Variants in PDE4D observed in about 807,000 individuals in gnomAD.
The protein encoded by PDE4D is 3',5'-cyclic-AMP phosphodiesterase 4D.
PDE4D carries 24 observed loss-of-function variants against 87.4 expected under a neutral mutation model. That is an observed-to-expected ratio of 0.27 (90% CI 0.20 to 0.39). PDE4D has a LOEUF of 0.39. Ranked by LOEUF, PDE4D falls within the 10% of genes least tolerant of loss-of-function variation. The probability of loss-of-function intolerance (pLI) is 1.00; values close to 1 mark genes in which losing one functional copy is unlikely to be tolerated. For synonymous variants in PDE4D, 384 were observed against 383.2 expected (o/e 1.00, Z -0.02); for missense variants, 714 against 1,041.0 (o/e 0.69, Z 4.32).
intron 1 of PDE4D, among the ~76,000 whole-genome samples, chr5:60,189,868 T>C (rs1373588006): frequency 6.6e-6 from 1 of 152,194 alleles, no homozygotes; most frequent in East Asian, 1.9e-4. Flanking sequence ...AGGGAAAGAA[T>C]TGTTTGGGTA....
At chr5:59,177,567 A>C (rs1270494236) in intron 5 of PDE4D, among the ~76,000 whole-genome samples, 3 of 152,186 alleles carry the variant, frequency 2.0e-5, no homozygotes, top group Non-Finnish European at 4.4e-5. Context: ...TGAGCAGAGA[A>C]AGGGTATGCA....
chr5:60,353,377 C>T (rs1759356564), intron 1 of PDE4D, among the ~76,000 whole-genome samples: 1 of 152,232 alleles, frequency 6.6e-6, no homozygotes, highest in African/African-American at 2.4e-5. Context: ...TACCTTACAT[C>T]CTGCCTCTTA....
At chr5:59,684,485 T>C (rs1749537232) in intron 1 of PDE4D, among the ~76,000 whole-genome samples, 1 of 152,166 alleles carries the variant, frequency 6.6e-6, no homozygotes, top group Non-Finnish European at 1.5e-5. Context: ...TGGTAATTAT[T>C]AGCCACTAGG....
At chr5:59,234,344 T>C (rs1336402658) in intron 1 of PDE4D, among the ~76,000 whole-genome samples, 1 of 152,306 alleles carries the variant, frequency 6.6e-6, no homozygotes, top group African/African-American at 2.4e-5. Flanking sequence ...TTCCCACTTA[T>C]CCTCTTTTAA....
intron 5 of PDE4D, among the ~76,000 whole-genome samples, chr5:59,077,980 A>C (rs1580680892): frequency 6.6e-6 from 1 of 152,336 alleles, no homozygotes; most frequent in South Asian, 2.1e-4. Context: ...TTCCTAAATG[A>C]GCAACCGCGC....
chr5:60,059,038 A>ATG (rs1413944284), intron 2 of PDE4D, among the ~76,000 whole-genome samples: 12 of 49,344 alleles, frequency 2.4e-4, no homozygotes, highest in Admixed American at 7.1e-4. Flanking sequence ...TGGCATTGTC[A>ATG]TATGTGTGTG....
At chr5:59,219,459 A>C (rs1233865028) in intron 1 of PDE4D, among the ~76,000 whole-genome samples, 1 of 152,142 alleles carries the variant, frequency 6.6e-6, no homozygotes, top group Non-Finnish European at 1.5e-5. Context: ...AGAAAAAGTA[A>C]TATTACCGAG....
At chr5:59,230,444 T>C (rs377341669) in intron 1 of PDE4D, among the ~76,000 whole-genome samples, 15 of 152,268 alleles carry the variant, frequency 9.9e-5, no homozygotes, top group Admixed American at 6.5e-5. Flanking sequence ...TCCTGGCTAT[T>C]TGGGTATTTA....
At chr5:60,171,605 C>T (rs1319719865) in intron 2 of PDE4D, among the ~76,000 whole-genome samples, 1 of 152,054 alleles carries the variant, frequency 6.6e-6, no homozygotes, top group Non-Finnish European at 1.5e-5. Context: ...GGATTAAAAC[C>T]TATCCCACTG....
chr5:59,493,934 G>A (rs148645293), intron 1 of PDE4D, among the ~76,000 whole-genome samples: 6 of 152,222 alleles, frequency 3.9e-5, no homozygotes, highest in East Asian at 1.9e-4. Flanking sequence ...ACCACATTAC[G>A]AAATAGTTTT....
chr5:59,713,452 T>C (rs1754508596), intron 1 of PDE4D, among the ~76,000 whole-genome samples: 1 of 152,184 alleles, frequency 6.6e-6, no homozygotes, highest in African/African-American at 2.4e-5. Context: ...ACTGTACCTA[T>C]GGTTTGCACC....
At chr5:59,462,178 T>A (rs931659644) in intron 1 of PDE4D, among the ~76,000 whole-genome samples, 1 of 152,146 alleles carries the variant, frequency 6.6e-6, no homozygotes, top group African/African-American at 2.4e-5. Flanking sequence ...CTTCTAAGAA[T>A]AGCAAATAGA....
intron 2 of PDE4D, among the ~76,000 whole-genome samples, chr5:60,037,203 T>A (rs981594035): frequency 6.6e-6 from 1 of 152,136 alleles, no homozygotes. Flanking sequence ...AATCTTGAAG[T>A]TTGGGGCATT....
chr5:59,159,730 C>A (rs1780765351), intron 5 of PDE4D, among the ~76,000 whole-genome samples: 1 of 152,118 alleles, frequency 6.6e-6, no homozygotes. Flanking sequence ...ATGAATTGCC[C>A]TCAACCTTCA....
At chr5:59,884,602 A>T (rs948938538) in intron 1 of PDE4D, among the ~76,000 whole-genome samples, 45 of 152,002 alleles carry the variant, frequency 3.0e-4, no homozygotes, top group African/African-American at 1.1e-3. Flanking sequence ...TAATATTGCA[A>T]TATAGTATTT....
chr5:59,583,255 C>A (rs1014531746), intron 1 of PDE4D, among the ~76,000 whole-genome samples: 1 of 152,120 alleles, frequency 6.6e-6, no homozygotes, highest in African/African-American at 2.4e-5. Context: ...TCATGTTAGA[C>A]CCTGGCATGT....
At position 59,295,709 on chromosome 5, in the gene PDE4D, T is replaced by C. The variant is rs150651344; in HGVS notation, c.456-79741A>G. The stretch of plus-strand genomic sequence containing the variant: ...AGAGAGTAAGCAACCGTCATGTGAA[T>C]ATCGTGTCTTTAATGATCTGTTAAA... On this transcript the variant is annotated intron_variant, in intron 1 of 14. Transcript: ENST00000340635. Among the ~76,000 whole-genome samples the C allele has an allele frequency of 1.7e-3, 266 of 152,214 alleles. 1 individual carries two copies. The highest frequency in any genetic ancestry group is 6.1e-3 in the African/African-American group (254 of 41,530).
At chr5:59,571,202 T>A (rs150465670) in intron 1 of PDE4D, among the ~76,000 whole-genome samples, 71 of 152,346 alleles carry the variant, frequency 4.7e-4, no homozygotes, top group African/African-American at 1.7e-3. Flanking sequence ...ACATTTGCAA[T>A]AGGCATTAGT....
intron 1 of PDE4D, among the ~76,000 whole-genome samples, chr5:59,834,046 G>T (rs1007590052): frequency 6.6e-6 from 1 of 151,978 alleles, no homozygotes; most frequent in African/African-American, 2.4e-5. Context: ...ATGATCTGGA[G>T]ACTGCCCTAC....
Sources: allele counts gnomAD v4.1 joint callset (sites outside exome capture counted in the v4.1 genomes callset), GRCh38; gene constraint gnomAD v4.1.1; transcripts MANE v1.5; gene names NCBI Gene and HGNC (gene_info 2026-07-23, HGNC 2026-07-21).